Variants in SLC25A48 observed in about 807,000 individuals in gnomAD.
The protein encoded by SLC25A48 is solute carrier family 25 member 48.
In SLC25A48, 29 loss-of-function variants were observed where a neutral mutation model predicts 32.2. The ratio of observed to expected loss-of-function variants is 0.90; its 90% confidence interval spans 0.67 to 1.23. The LOEUF is 1.23. SLC25A48 is among the 50% of genes most tolerant of loss of function. The pLI is 0.00. For synonymous variants in SLC25A48, 164 were observed against 172.3 expected (o/e 0.95, Z 0.38); for missense variants, 399 against 422.7 (o/e 0.94, Z 0.49).
intron 3 of SLC25A48, among the ~76,000 whole-genome samples, chr5:135,640,205 G>A (rs1458909332): frequency 6.6e-6 from 1 of 152,176 alleles, no homozygotes; most frequent in African/African-American, 2.4e-5. Flanking sequence ...GAGAACAATG[G>A]AAATGTTTCA....
upstream of SLC25A48, among the ~76,000 whole-genome samples, chr5:135,831,258 C>T (rs1022167442): frequency 6.6e-6 from 1 of 152,162 alleles, no homozygotes; most frequent in Non-Finnish European, 1.5e-5. Context: ...ATCCAGACAC[C>T]CTCCTTGTCT....
chr5:135,727,453 G>A (rs918521428), intron 3 of SLC25A48, among the ~76,000 whole-genome samples: 12 of 151,816 alleles, frequency 7.9e-5, no homozygotes, highest in African/African-American at 2.7e-4. Context: ...TTTAATGATC[G>A]TGCTTTTGAT....
intron 3 of SLC25A48, among the ~76,000 whole-genome samples, chr5:135,657,532 G>A (rs1393544532): frequency 1.3e-5 from 2 of 152,202 alleles, no homozygotes; most frequent in Admixed American, 1.3e-4. Flanking sequence ...TTGCTTTTTG[G>A]CAGTGATCAG....
intron 1 of SLC25A48, among the ~76,000 whole-genome samples, chr5:135,628,450 G>A (rs1752487304): frequency 6.6e-6 from 1 of 152,140 alleles, no homozygotes; most frequent in Admixed American, 6.5e-5. Context: ...CCATATATCT[G>A]CTCATGGAGA....
chr5:135,786,578 T>C (rs1006907241), intron 3 of SLC25A48, among the ~76,000 whole-genome samples: 1 of 152,126 alleles, frequency 6.6e-6, no homozygotes, highest in African/African-American at 2.4e-5. Flanking sequence ...TATAGGGGGA[T>C]GTTACTTCTA....
chr5:135,679,082 G>C (rs958135415), intron 3 of SLC25A48, among the ~76,000 whole-genome samples: 2 of 152,170 alleles, frequency 1.3e-5, no homozygotes, highest in African/African-American at 2.4e-5. Context: ...TTGGGCCCCT[G>C]GGCAGCAGTT....
rs140070000 is a variant in SLC25A48 at position 135,623,557 on chromosome 5, C to T, written c.-848-5680C>T. Among the ~76,000 whole-genome samples the T allele has an allele frequency of 5.9e-3, 900 of 152,316 alleles. 11 individuals are homozygous for T. The highest frequency in any genetic ancestry group is 0.02 in the African/African-American group (848 of 41,566). Reference sequence around the variant, plus strand: ...CTCTTGTTGTTCAAACATGAAGGCTCCACCTGACCTCAGGCTTGTCCCTTC... The same window carrying T: ...CTCTTGTTGTTCAAACATGAAGGCTTCACCTGACCTCAGGCTTGTCCCTTC... On this transcript the variant is annotated intron_variant, in intron 1 of 10. Transcript: ENST00000646290.
intron 3 of SLC25A48, among the ~76,000 whole-genome samples, chr5:135,712,224 A>C (rs1188182760): frequency 6.6e-6 from 1 of 152,206 alleles, no homozygotes; most frequent in Non-Finnish European, 1.5e-5. Flanking sequence ...CATTCTTCAC[A>C]TGGAAAATTC....
chr5:135,803,122 G>A (rs189038585), intron 3 of SLC25A48: 4 of 151,356 alleles, frequency 2.6e-5, no homozygotes, highest in Admixed American at 6.6e-5. Context: ...ATCACAGTGG[G>A]TGTACACCTT....
At chr5:135,853,976 A>T (rs1336590475) in intron 4 of SLC25A48, among the ~76,000 whole-genome samples, 1 of 152,228 alleles carries the variant, frequency 6.6e-6, no homozygotes, top group Admixed American at 6.5e-5. Flanking sequence ...TGGAAACAAC[A>T]TTCATCTCCT....
intron 4 of SLC25A48, among the ~76,000 whole-genome samples, chr5:135,815,183 T>G (rs181293439): frequency 7.2e-5 from 11 of 152,186 alleles, no homozygotes; most frequent in African/African-American, 2.7e-4. Context: ...GGAACCAGTT[T>G]GGTGGAAGAC....
At chr5:135,678,808 C>T (rs1158881749) in intron 3 of SLC25A48, among the ~76,000 whole-genome samples, 1 of 152,072 alleles carries the variant, frequency 6.6e-6, no homozygotes, top group Non-Finnish European at 1.5e-5. Context: ...CAGCATTAGT[C>T]ATGTCTGTGA....
At chr5:135,604,628 G>A (rs1360190283) in intron 1 of SLC25A48, among the ~76,000 whole-genome samples, 2 of 152,224 alleles carry the variant, frequency 1.3e-5, no homozygotes, top group African/African-American at 4.8e-5. Flanking sequence ...GATAACTGAT[G>A]TTTGGGAAGA....
At chr5:135,790,596 G>A (rs891628035) in intron 3 of SLC25A48, among the ~76,000 whole-genome samples, 3 of 125,098 alleles carry the variant, frequency 2.4e-5, no homozygotes, top group Admixed American at 7.6e-5. Flanking sequence ...CATATGTGAT[G>A]TTATTTGTAA....
intron 3 of SLC25A48, among the ~76,000 whole-genome samples, chr5:135,791,687 A>G (rs1487797828): frequency 6.6e-6 from 1 of 151,462 alleles, no homozygotes; most frequent in East Asian, 1.9e-4. Flanking sequence ...GGATGTTACT[A>G]AATTCACATT....
intron 4 of SLC25A48, among the ~76,000 whole-genome samples, chr5:135,868,867 C>A (rs1221371154): frequency 6.6e-6 from 1 of 152,180 alleles, no homozygotes; most frequent in Non-Finnish European, 1.5e-5. Flanking sequence ...CTGAAAGCCA[C>A]ATCATACCCA....
chr5:135,855,150 T>G (rs1726775982), intron 4 of SLC25A48, among the ~76,000 whole-genome samples: 1 of 152,222 alleles, frequency 6.6e-6, no homozygotes, highest in Non-Finnish European at 1.5e-5. Flanking sequence ...ATAATGATTA[T>G]GACAAGGTTG....
intron 1 of SLC25A48, among the ~76,000 whole-genome samples, chr5:135,594,577 G>A (rs1400350394): frequency 1.3e-5 from 2 of 152,220 alleles, no homozygotes; most frequent in African/African-American, 4.8e-5. Flanking sequence ...TCCTTGGCAT[G>A]TGGGAGGGGT....
rs138228371 is a variant in SLC25A48 at position 135,846,266 on chromosome 5, C to T, written c.90+3807C>T. The stretch of plus-strand genomic sequence containing the variant: ...TGTCTTCCACAAAACTGGTTCCTGG[C>T]GCCAAAAATGTTGGGGATCACTCTT... On this transcript the variant is annotated intron_variant, in intron 2 of 7. Coordinates refer to ENST00000681962, the MANE Select transcript of SLC25A48 (RefSeq NM_001349336.2). 5.0e-3 allele frequency among the ~76,000 whole-genome samples: 759 copies of T among 152,270 alleles called. 3 individuals are homozygous for T. Among genetic ancestry groups the T allele is most frequent in the African/African-American group, 0.018 (728 of 41,542 alleles).
Sources: gnomAD v4.1 joint callset for allele counts (sites outside exome capture counted in the v4.1 genomes callset) on GRCh38, gnomAD v4.1.1 for gene constraint, MANE v1.5 for transcripts, NCBI Gene and HGNC (gene_info 2026-07-23, HGNC 2026-07-21) for gene names.